The following RTN1 variants were observed in gnomAD, a reference collection of about 807,000 sequenced individuals.
RTN1 encodes the protein reticulon 1.
In RTN1, 25 loss-of-function variants were observed where a neutral mutation model predicts 65.5. The ratio of observed to expected loss-of-function variants is 0.38; its 90% CI spans 0.28 to 0.53. RTN1 has a LOEUF of 0.53. Ranked by LOEUF, RTN1 falls within the 20% of genes least tolerant of loss-of-function variation. The probability of loss-of-function intolerance (pLI) is 0.79; values close to 1 mark genes in which losing one functional copy is unlikely to be tolerated. For synonymous variants in RTN1, 471 were observed against 447.6 expected, an observed-to-expected ratio of 1.05 and a Z score of -0.66; for missense variants, 983 against 1,025.4, an observed-to-expected ratio of 0.96 and a Z score of 0.57.
At chr14:59,780,188 T>A (rs1332965559) in intron 1 of RTN1, among the ~76,000 whole-genome samples, 2 of 152,146 alleles carry the variant, frequency 1.3e-5, no homozygotes, top group African/African-American at 4.8e-5. Flanking sequence ...TAGAGGTCAC[T>A]GTGATTTGTG....
chr14:59,829,662 A>C lies in RTN1; in HGVS notation c.241+40728T>G, dbSNP rs960638064. Among the ~76,000 whole-genome samples the C allele has an allele frequency of 6.6e-6, 1 of 152,260 alleles. No individual in the cohort carries two copies. Among genetic ancestry groups the C allele is most frequent in the East Asian group, 1.9e-4 (1 of 5,190 alleles). On this transcript the variant is annotated intron_variant, in intron 1 of 8. Coordinates refer to ENST00000267484, the MANE Select transcript of RTN1 (RefSeq NM_021136.3). The surrounding 1 kb of genome is among the most constrained non-coding windows in gnomAD (Gnocchi z 4.3). The stretch of plus-strand genomic sequence containing the variant: ...CCTGTCCAGGCAGGTTGGCTTGGGG[A>C]CTCTGCTCTCCACAGTCCTCACACA...
intron 8 of RTN1, among the ~76,000 whole-genome samples, chr14:59,601,282 C>T (rs77045661): frequency 0.06 from 9,181 of 152,228 alleles, 356 homozygotes; most frequent in Non-Finnish European, 0.087. Flanking sequence ...TTATCATCCA[C>T]GTGATGACTG....
intron 1 of RTN1, among the ~76,000 whole-genome samples, chr14:59,761,561 G>A (rs1203344671): frequency 3.9e-5 from 6 of 152,136 alleles, no homozygotes; most frequent in Non-Finnish European, 8.8e-5. Flanking sequence ...CTTATTAGCA[G>A]CCAGAGAACA....
intron 2 of RTN1, among the ~76,000 whole-genome samples, chr14:59,742,693 C>T (rs979220636): frequency 1.3e-5 from 2 of 152,160 alleles, no homozygotes; most frequent in Admixed American, 6.5e-5. Context: ...AAACTGGACC[C>T]TTTTTTGCTT....
chr14:59,645,399 T>C (rs1329521445), intron 3 of RTN1, among the ~76,000 whole-genome samples: 1 of 151,890 alleles, frequency 6.6e-6, no homozygotes, highest in Non-Finnish European at 1.5e-5. Context: ...TTCTATATAT[T>C]ACATGTTTTC....
In RTN1 at chr14:59,707,702, C is replaced by A. The variant is rs533692624; in HGVS notation, c.1765+19217G>T. Among the ~76,000 whole-genome samples, 84 of 134,888 alleles carry A rather than the reference C, an allele frequency of 6.2e-4. No homozygotes were observed. In the South Asian group the frequency reaches 0.011, roughly 18 times the overall value. 88.5% of individuals were successfully genotyped at this position (134,888 alleles called of 152,430 possible). ...TCTCTCTCTCTTTCCCTCTGTCTCTCTCTTTTACACACACACACACACACA... is the reference window on the plus strand; with the variant it reads ...TCTCTCTCTCTTTCCCTCTGTCTCTATCTTTTACACACACACACACACACA... On this transcript the variant is annotated intron_variant, in intron 3 of 8. Transcript: ENST00000267484.
intron 3 of RTN1, among the ~76,000 whole-genome samples, chr14:59,623,413 GC>G (rs1882307545): frequency 6.6e-6 from 1 of 152,174 alleles, no homozygotes; most frequent in Non-Finnish European, 1.5e-5. Context: ...AGACAGTTGG[GC>G]AAGCTCCTCC....
chr14:59,808,354 C>T (rs560791404), intron 1 of RTN1, among the ~76,000 whole-genome samples: 2 of 152,322 alleles, frequency 1.3e-5, no homozygotes, highest in East Asian at 3.9e-4. Flanking sequence ...AACTGCTACA[C>T]TTTGGAATGC....
intron 1 of RTN1, among the ~76,000 whole-genome samples, chr14:59,785,780 C>T (rs1396804084): frequency 6.6e-6 from 1 of 152,122 alleles, no homozygotes; most frequent in Non-Finnish European, 1.5e-5. Flanking sequence ...ATGAGCTTGC[C>T]TCACTCCACA....
At chr14:59,713,696 C>T (rs1242284556) in intron 3 of RTN1, among the ~76,000 whole-genome samples, 1 of 152,150 alleles carries the variant, frequency 6.6e-6, no homozygotes, top group Non-Finnish European at 1.5e-5. Flanking sequence ...TCCTAGGTGT[C>T]TCCTAGCTTT....
intron 3 of RTN1, among the ~76,000 whole-genome samples, chr14:59,700,306 C>T (rs1358880584): frequency 2.6e-5 from 4 of 152,122 alleles, no homozygotes; most frequent in African/African-American, 9.7e-5. Context: ...CAGTACTCCT[C>T]AAACTACAGA....
chr14:59,787,444 G>A (rs149368848), intron 1 of RTN1, among the ~76,000 whole-genome samples: 1 of 152,216 alleles, frequency 6.6e-6, no homozygotes, highest in African/African-American at 2.4e-5. Context: ...GATATGAAGT[G>A]CTTCACACAG....
At chr14:59,739,198 T>C (rs1885064474) in intron 2 of RTN1, among the ~76,000 whole-genome samples, 1 of 150,570 alleles carries the variant, frequency 6.6e-6, no homozygotes, top group Non-Finnish European at 1.5e-5. Context: ...CAGGCATTAG[T>C]GGATCCTGGA....
chr14:59,726,024 C>T lies in RTN1; in HGVS notation c.1765+895G>A, dbSNP rs148184104. 2.3e-4 allele frequency among the ~76,000 whole-genome samples: 35 copies of T among 152,246 alleles called. No homozygotes were observed. In the East Asian group the frequency reaches 5.6e-3, roughly 24 times the overall value. ...AAGTCCTACCTGAGTGTTCTCTCCCCAGGAACAGGGTAGAAGTTCTCTAAC... is the reference window on the plus strand; with the variant it reads ...AAGTCCTACCTGAGTGTTCTCTCCCTAGGAACAGGGTAGAAGTTCTCTAAC... On this transcript the variant is annotated intron_variant, in intron 3 of 8. Transcript: ENST00000267484.
intron 1 of RTN1, among the ~76,000 whole-genome samples, chr14:59,753,395 C>A (rs572580259): frequency 3.9e-5 from 6 of 152,088 alleles, no homozygotes; most frequent in African/African-American, 1.4e-4. Context: ...GTAAATCACA[C>A]ATTTTATTTT....
At chr14:59,643,545 C>G (rs1271255694) in intron 3 of RTN1, among the ~76,000 whole-genome samples, 1 of 152,202 alleles carries the variant, frequency 6.6e-6, no homozygotes, top group East Asian at 1.9e-4. Flanking sequence ...ATGCCTCAGA[C>G]AGATCTACTA....
At chr14:59,768,595 A>G (rs1444022194) in intron 1 of RTN1, among the ~76,000 whole-genome samples, 1 of 152,110 alleles carries the variant, frequency 6.6e-6, no homozygotes, top group African/African-American at 2.4e-5. Flanking sequence ...TCCAGTTTCT[A>G]CCCTATCAAT....
chr14:59,689,013 G>A (rs1380253456), intron 3 of RTN1, among the ~76,000 whole-genome samples: 2 of 152,084 alleles, frequency 1.3e-5, no homozygotes, highest in Admixed American at 6.5e-5. Flanking sequence ...TTAAAAGCAT[G>A]GTTGCAAGGA....
At chr14:59,848,502 T>C (rs929020298) in intron 1 of RTN1, among the ~76,000 whole-genome samples, 3 of 152,242 alleles carry the variant, frequency 2.0e-5, no homozygotes, top group African/African-American at 7.2e-5. Context: ...TGATATAACA[T>C]ATGAAGGTTT....
Sources: gnomAD v4.1 joint callset for allele counts (sites outside exome capture counted in the v4.1 genomes callset) on GRCh38, gnomAD v4.1.1 for gene constraint, Gnocchi (gnomAD v3.1) non-coding constraint, MANE v1.5 for transcripts, NCBI Gene and HGNC (gene_info 2026-07-23, HGNC 2026-07-21) for gene names.